Variants in NCBP2 observed in about 807,000 individuals in gnomAD.
NCBP2 encodes the protein nuclear cap-binding protein subunit 2.
Under a neutral mutation model 21.5 loss-of-function variants are expected in NCBP2, and 8 were observed. The observed-to-expected ratio is 0.37, with a 90% CI of 0.22 to 0.67. NCBP2 has a LOEUF of 0.67. Among genes scored for constraint, NCBP2 ranks in the 30% least tolerant of loss-of-function variants. The probability of loss-of-function intolerance (pLI) is 0.56; values close to 1 mark genes in which losing one functional copy is unlikely to be tolerated. For synonymous variants in NCBP2, 92 were observed against 75.8 expected (o/e 1.21, Z -1.11); for missense variants, 127 against 206.9 (o/e 0.61, Z 2.37).
In NCBP2 at chr3:196,936,463, A is replaced by T. The variant is rs1181732106; in HGVS notation, c.*548T>A. The T allele has an allele frequency of 6.5e-6, 1 of 154,826 alleles. No homozygotes were observed. The highest frequency in any genetic ancestry group is 1.4e-5 in the Non-Finnish European group (1 of 69,842). 9.6% of individuals were successfully genotyped at this position (154,826 alleles called of 1,614,324 possible). On this transcript the variant is annotated 3_prime_UTR_variant, in exon 4 of 4. Coordinates refer to ENST00000321256, the MANE Select transcript of NCBP2 (RefSeq NM_007362.5). ...TTGTTTTTCGTTGTGCTTTGTAGAGACGGGGTCTTGCTATGTTGCCCAGTC... is the reference window on the plus strand; with the variant it reads ...TTGTTTTTCGTTGTGCTTTGTAGAGTCGGGGTCTTGCTATGTTGCCCAGTC...
chr3:196,937,392 A>G, intron 3 of NCBP2, 118 bp downstream of exon 3: 3 of 1,476,002 alleles, frequency 2.0e-6, no homozygotes, highest in Non-Finnish European at 2.7e-6. Context: ...GATCCACTTC[A>G]AGCCAAGGTT....
chr3:196,937,188 A>C, intron 3 of NCBP2, 106 bp from the exon 4 acceptor site: 1 of 1,105,986 alleles, frequency 9.0e-7, no homozygotes, highest in Non-Finnish European at 1.4e-6. Context: ...AGATGCCACA[A>C]TGTGAACATT....
rs1716336402 is a variant in NCBP2, at chr3:196,937,753, C to T, written c.261-105G>A. 2.1e-6 allele frequency: 3 copies of T among 1,399,536 alleles called. No homozygotes were observed. In the African/African-American group the frequency reaches 4.2e-5, roughly 20 times the overall value. 86.7% of individuals were successfully genotyped at this position (1,399,536 alleles called of 1,614,324 possible). A position where few individuals can be genotyped will look rare whatever the true frequency, so the allele number is the denominator to read the frequency against. On this transcript the variant is annotated intron_variant, in intron 2 of 3. Transcript: ENST00000321256. Reference sequence around the variant, plus strand: ...TAAAAAGTACAAGAGCTAATCCAACCAGATGGAGTTCAAAGACAGTAATTC... The same window carrying T: ...TAAAAAGTACAAGAGCTAATCCAACTAGATGGAGTTCAAAGACAGTAATTC...
chr3:196,937,265 G>A, intron 3 of NCBP2, 183 bp from the exon 4 acceptor site: 3 of 767,210 alleles, frequency 3.9e-6, no homozygotes, highest in Non-Finnish European at 6.5e-6. Context: ...TGTTCCTGCA[G>A]GTGGAAGATA....
At chr3:196,942,258 C>T (rs1179781195) in intron 1 of NCBP2, 168 bp downstream of exon 1, 1 of 1,481,430 alleles carries the variant, frequency 6.8e-7, no homozygotes, top group Non-Finnish European at 8.9e-7. Context: ...TCAGTGATAT[C>T]CAAGCGCCCT....
chr3:196,937,594 A>G lies in NCBP2; in HGVS notation c.315T>C (p.Arg105=), dbSNP rs747221476. Residue 105 remains arginine, a synonymous_variant, in exon 3 of 4, where the codon CGT becomes CGC. Coordinates refer to ENST00000321256, the MANE Select transcript of NCBP2 (RefSeq NM_007362.5). ...ENAMRYINGT[R]LDDRIIRTDW... is the part of the protein sequence containing the mutation. The stretch of plus-strand genomic sequence containing the variant: ...CTGTGCGAATGATTCGGTCATCCAG[A>G]CGCGTCCCATTTATGTACCGCATGG... 1 of 1,614,158 alleles carries G rather than the reference A, an allele frequency of 6.2e-7. No individual in the cohort carries two copies. The highest frequency in any genetic ancestry group is 1.1e-5 in the South Asian group (1 of 91,086).
chr3:196,941,919 T>C, intron 1 of NCBP2: 2 of 1,536,166 alleles, frequency 1.3e-6, no homozygotes, highest in Non-Finnish European at 1.7e-6. Flanking sequence ...GGACTCCACT[T>C]GTGTCTCCCA....
rs898301867 is a variant in NCBP2, at chr3:196,942,432, G to A, written c.72C>T (p.His24=). The change falls in exon 1 of 4, where the codon CAC becomes CAT. Residue 24 remains histidine, a synonymous_variant. Transcript: ENST00000321256. ...GCGGCCCGGCCTCCCTCACCCGGAAGTGCTGGTCCCGGTACTGGCTCAGCT... is the reference window on the plus strand; with the variant it reads ...GCGGCCCGGCCTCCCTCACCCGGAAATGCTGGTCCCGGTACTGGCTCAGCT... The part of the protein sequence containing the change: ...YVELSQYRDQ[H]FRGDNEEQEK... 2.5e-6 allele frequency: 4 copies of A among 1,612,798 alleles called. No homozygotes were observed. The African/African-American group carries it at 5.3e-5, about 22-fold the overall frequency.
In NCBP2 at chr3:196,936,815, A is replaced by G. The variant is rs1243370959; in HGVS notation, c.*196T>C. The stretch of plus-strand genomic sequence containing the variant: ...CAAAATTGTTCTGATAATCTGACAC[A>G]TGGCCAAGATTCTCAGACAAGAATT... On this transcript the variant is annotated 3_prime_UTR_variant, in exon 4 of 4. Transcript: ENST00000321256. 1.7e-6 allele frequency: 1 copy of G among 594,092 alleles called. No homozygotes were observed. The highest frequency in any genetic ancestry group is 3.0e-6 in the Non-Finnish European group (1 of 334,252). 36.8% of individuals were successfully genotyped at this position (594,092 alleles called of 1,614,324 possible). A position where few individuals can be genotyped will look rare whatever the true frequency, so the allele number is the denominator to read the frequency against.
chr3:196,939,273 C>G lies in NCBP2; in HGVS notation c.238G>C (p.Ala80Pro), dbSNP rs1716415554. The change falls in exon 2 of 4, where the codon GCA becomes CCA. Residue 80 changes from alanine (A) to proline (P), a missense_variant. Coordinates refer to ENST00000321256, the MANE Select transcript of NCBP2 (RefSeq NM_007362.5). The part of the protein sequence containing the change: ...IMGLDKMKKT[A>P]CGFCFVEYYS... The stretch of plus-strand genomic sequence containing the variant: ...TACTCCACAAAACAGAATCCACATG[C>G]TGTTTTCTTCATTTTATCCAGACCC... 1 of 1,613,852 alleles carries G rather than the reference C, an allele frequency of 6.2e-7. No homozygotes were observed. The highest frequency in any genetic ancestry group is 8.5e-7 in the Non-Finnish European group (1 of 1,179,776).
intron 1 of NCBP2, chr3:196,941,668 G>C (rs1356619472): frequency 1.8e-6 from 1 of 564,514 alleles, no homozygotes; most frequent in Non-Finnish European, 3.1e-6. Flanking sequence ...TTGGGTTAAT[G>C]AGTCCCGCCC....
chr3:196,937,131 C>A, intron 3 of NCBP2, 49 bp from the exon 4 acceptor site: 1 of 1,533,378 alleles, frequency 6.5e-7, no homozygotes, highest in Non-Finnish European at 9.0e-7. Context: ...AATGGTGTAA[C>A]AAATATGCCT....
chr3:196,942,088 C>T (rs1716614396), intron 1 of NCBP2: 5 of 1,505,318 alleles, frequency 3.3e-6, no homozygotes, highest in Non-Finnish European at 4.4e-6. Context: ...GCACCCCTCC[C>T]CCTTGCTACG....
At chr3:196,942,057 C>A in intron 1 of NCBP2, 1 of 1,532,744 alleles carries the variant, frequency 6.5e-7, no homozygotes, top group Non-Finnish European at 8.7e-7. Flanking sequence ...GGCGCCTCTG[C>A]CTACTCTGGG....
At chr3:196,937,849 C>T (rs1455157868) in intron 2 of NCBP2, 9 of 590,306 alleles carry the variant, frequency 1.5e-5, no homozygotes, top group Non-Finnish European at 2.4e-5. Flanking sequence ...TCCATGGCTA[C>T]ACTGATCATA....
In NCBP2 at chr3:196,937,507, T is replaced by G; in HGVS notation, c.399+3A>C. ...GCTGAGCCCAGAGACCCTTCTTGCA[T>G]ACCTGGCCCCCAGATCGCCCACGGC... is the stretch of plus-strand genomic sequence containing the variant. On this transcript the variant is annotated splice_donor_region_variant and intron_variant, in intron 3 of 3. Coordinates refer to ENST00000321256, the MANE Select transcript of NCBP2 (RefSeq NM_007362.5). 6.2e-7 allele frequency: 1 copy of G among 1,614,020 alleles called. No homozygotes were observed. Among genetic ancestry groups the G allele is most frequent in the Non-Finnish European group, 8.5e-7 (1 of 1,180,018 alleles).
Position 196,936,918 on chromosome 3 carries a change from G to T in NCBP2, c.*93C>A. ...CAGTAAAGACACTGATCAAATCTTGGTAAAAATGGGCTCGTGTGCAGACTT... is the reference window on the plus strand; with the variant it reads ...CAGTAAAGACACTGATCAAATCTTGTTAAAAATGGGCTCGTGTGCAGACTT... On this transcript the variant is annotated 3_prime_UTR_variant, in exon 4 of 4. Coordinates refer to ENST00000321256, the MANE Select transcript of NCBP2 (RefSeq NM_007362.5). The T allele has an allele frequency of 8.5e-7, 1 of 1,173,670 alleles. No homozygotes were observed. Among genetic ancestry groups the T allele is most frequent in the Non-Finnish European group, 1.3e-6 (1 of 780,070 alleles). 72.7% of individuals were successfully genotyped at this position (1,173,670 alleles called of 1,614,324 possible).
rs147785857 is a variant in NCBP2 at position 196,939,198 on chromosome 3, ACT to A, written c.260+51_260+52del. ...AGTGCAGGGACGCTTATGAGCTACCACTCTCAGCTCTACCCTGGTTCAGCAGC... is the reference window on the plus strand; with the variant it reads ...AGTGCAGGGACGCTTATGAGCTACCACTCAGCTCTACCCTGGTTCAGCAGC... On this transcript the variant is annotated intron_variant, in intron 2 of 3. Transcript: ENST00000321256. 3.1e-3 allele frequency: 4,811 copies of A among 1,528,714 alleles called. 66 individuals carry two copies. The African/African-American group carries it at 0.041, about 13-fold the overall frequency. The allele number at this position is 1,528,714 out of a possible 1,614,324, so 94.7% of individuals were successfully genotyped here.
intron 1 of NCBP2, among the ~76,000 whole-genome samples, chr3:196,940,535 T>A (rs968048286): frequency 3.3e-5 from 5 of 151,978 alleles, no homozygotes; most frequent in Non-Finnish European, 7.4e-5. Flanking sequence ...TTCTCACACA[T>A]GTAAGTAAGA....
Sources: allele counts gnomAD v4.1 joint callset (sites outside exome capture counted in the v4.1 genomes callset), GRCh38; gene constraint gnomAD v4.1.1; transcripts MANE v1.5; gene names NCBI Gene and HGNC (gene_info 2026-07-23, HGNC 2026-07-21).